Variants in FHIT observed in about 807,000 individuals in gnomAD.
The protein encoded by FHIT is bis(5'-adenosyl)-triphosphatase.
A neutral mutation model predicts 17.9 loss-of-function variants in FHIT; 19 were observed. That is an observed-to-expected ratio of 1.06 (90% CI 0.74 to 1.56). The LOEUF is 1.56. Among genes scored for constraint, FHIT ranks in the 40% most tolerant of loss-of-function variants. FHIT has a pLI of 0.00. For synonymous variants in FHIT, 81 were observed against 69.7 expected, an observed-to-expected ratio of 1.16 and a Z score of -0.81; for missense variants, 248 against 189.2, an observed-to-expected ratio of 1.31 and a Z score of -1.82.
chr3:60,320,008 A>G (rs570736451), intron 5 of FHIT, among the ~76,000 whole-genome samples: 28 of 152,266 alleles, frequency 1.8e-4, no homozygotes, highest in Admixed American at 1.6e-3. Flanking sequence ...ACCTCAATTT[A>G]AAGCGCTCCG....
intron 5 of FHIT, among the ~76,000 whole-genome samples, chr3:60,159,776 C>T (rs933623655): frequency 1.3e-5 from 2 of 152,120 alleles, no homozygotes; most frequent in Admixed American, 6.5e-5. Flanking sequence ...TGTCATGCCC[C>T]AAGTCACTAG....
chr3:60,252,914 C>T (rs213399), intron 5 of FHIT, among the ~76,000 whole-genome samples: 17,707 of 151,906 alleles, frequency 0.12, 1,231 homozygotes, highest in South Asian at 0.21. Context: ...AGGAGAATGC[C>T]GTGAACCCAG....
At chr3:60,871,882 T>G (rs1704432346) in intron 3 of FHIT, among the ~76,000 whole-genome samples, 1 of 152,036 alleles carries the variant, frequency 6.6e-6, no homozygotes, top group Non-Finnish European at 1.5e-5. Flanking sequence ...AGGTTGGTCT[T>G]GAACTTCTGG....
At chr3:61,046,578 A>G (rs1445854594) in intron 2 of FHIT, among the ~76,000 whole-genome samples, 1 of 152,228 alleles carries the variant, frequency 6.6e-6, no homozygotes, top group Non-Finnish European at 1.5e-5. Flanking sequence ...AGGACCTGGT[A>G]CCGTTGCTTC....
chr3:60,423,519 G>A (rs1702552970), intron 5 of FHIT, among the ~76,000 whole-genome samples: 1 of 152,088 alleles, frequency 6.6e-6, no homozygotes, highest in Non-Finnish European at 1.5e-5. Flanking sequence ...AGATATCTTA[G>A]ACTTCATAGA....
At chr3:59,926,488 C>T (rs980154973) in intron 7 of FHIT, among the ~76,000 whole-genome samples, 1 of 152,076 alleles carries the variant, frequency 6.6e-6, no homozygotes, top group Non-Finnish European at 1.5e-5. Flanking sequence ...TGAAGAAAAA[C>T]ATAACGGTAT....
At chr3:61,216,714 A>G (rs569510607) in intron 1 of FHIT, among the ~76,000 whole-genome samples, 27 of 150,996 alleles carry the variant, frequency 1.8e-4, no homozygotes, top group African/African-American at 6.6e-4. Flanking sequence ...TTGCAGCACT[A>G]TTCACAATAG....
chr3:59,891,067 T>G (rs2107012562), intron 8 of FHIT, among the ~76,000 whole-genome samples: 1 of 152,212 alleles, frequency 6.6e-6, no homozygotes, highest in East Asian at 1.9e-4. Flanking sequence ...AAGGGTTATG[T>G]ACTCCTCAAG....
At chr3:61,060,172 C>T (rs376855627) in intron 2 of FHIT, among the ~76,000 whole-genome samples, 2 of 151,966 alleles carry the variant, frequency 1.3e-5, no homozygotes, top group South Asian at 2.1e-4. Flanking sequence ...GTATATAGTT[C>T]GCATAGATTT....
chr3:61,203,161 C>G (rs1202206449), intron 1 of FHIT, among the ~76,000 whole-genome samples: 12 of 125,816 alleles, frequency 9.5e-5, no homozygotes, highest in African/African-American at 3.3e-4. Flanking sequence ...GCCTGGGCAA[C>G]AGAGCGAGAC....
In FHIT at chr3:60,859,409, A is replaced by C. The variant is rs58657044; in HGVS notation, c.-110-37398T>G. On this transcript the variant is annotated intron_variant, in intron 3 of 9. Coordinates refer to ENST00000492590, the MANE Select transcript of FHIT (RefSeq NM_002012.4). ...TAGCAGAGATTATTAGTATTCACCC[A>C]TGTGCACAGGTAGACCGCATTTCCA... is the stretch of plus-strand genomic sequence containing the variant. Among the ~76,000 whole-genome samples the C allele has an allele frequency of 8.3e-3, 1,271 of 152,286 alleles. 18 individuals carry two copies. Among genetic ancestry groups the C allele is most frequent in the African/African-American group, 0.028 (1,160 of 41,558 alleles).
At chr3:60,187,466 G>A (rs1445141829) in intron 5 of FHIT, among the ~76,000 whole-genome samples, 1 of 152,086 alleles carries the variant, frequency 6.6e-6, no homozygotes, top group Admixed American at 6.6e-5. Flanking sequence ...AGCCTTCACG[G>A]GTTTCCTGTG....
chr3:60,473,092 T>C (rs1017470489), intron 5 of FHIT, among the ~76,000 whole-genome samples: 5 of 152,172 alleles, frequency 3.3e-5, no homozygotes, highest in African/African-American at 1.2e-4. Context: ...AGCTATTATG[T>C]TGATTACAAA....
chr3:60,346,934 T>G (rs1283889056), intron 5 of FHIT, among the ~76,000 whole-genome samples: 2 of 152,224 alleles, frequency 1.3e-5, no homozygotes, highest in African/African-American at 4.8e-5. Context: ...GATTTTTTCC[T>G]GTAGATCATA....
intron 3 of FHIT, among the ~76,000 whole-genome samples, chr3:60,933,022 A>T (rs935150899): frequency 1.3e-4 from 20 of 152,234 alleles, no homozygotes; most frequent in African/African-American, 4.3e-4. Flanking sequence ...GTAATTTTTT[A>T]AAAAATGGTA....
At chr3:59,861,742 C>T (rs1575603029) in intron 8 of FHIT, among the ~76,000 whole-genome samples, 1 of 152,144 alleles carries the variant, frequency 6.6e-6, no homozygotes, top group Non-Finnish European at 1.5e-5. Flanking sequence ...AGTCTATTTT[C>T]ATAAATTAGA....
chr3:60,361,542 T>C (rs552310398), intron 5 of FHIT, among the ~76,000 whole-genome samples: 1 of 152,262 alleles, frequency 6.6e-6, no homozygotes, highest in South Asian at 2.1e-4. Context: ...AAACAAAGGA[T>C]GGATTCTTCA....
At chr3:60,171,874 T>C (rs1418649724) in intron 5 of FHIT, among the ~76,000 whole-genome samples, 1 of 151,938 alleles carries the variant, frequency 6.6e-6, no homozygotes, top group Non-Finnish European at 1.5e-5. Context: ...CCCAGCTATT[T>C]TTTTTTTATA....
chr3:60,176,882 T>C (rs1398037177), intron 5 of FHIT, among the ~76,000 whole-genome samples: 1 of 152,148 alleles, frequency 6.6e-6, no homozygotes, highest in African/African-American at 2.4e-5. Context: ...TTTGGCTACT[T>C]AATGTTTTCT....
Sources: gnomAD v4.1 joint callset for allele counts (sites outside exome capture counted in the v4.1 genomes callset) on GRCh38, gnomAD v4.1.1 for gene constraint, MANE v1.5 for transcripts, NCBI Gene and HGNC (gene_info 2026-07-23, HGNC 2026-07-21) for gene names.